The following ABLIM1 variants were observed in gnomAD, a reference collection of about 807,000 sequenced individuals.
ABLIM1 encodes the protein actin binding LIM protein 1.
ABLIM1 carries 40 observed loss-of-function variants against 107.0 expected under a neutral mutation model. That is an observed-to-expected ratio of 0.37 (90% CI 0.29 to 0.49). ABLIM1 has a LOEUF of 0.49. Ranked by LOEUF, ABLIM1 falls within the 20% of genes least tolerant of loss-of-function variation. The probability of loss-of-function intolerance (pLI) is 0.97; values close to 1 mark genes in which losing one functional copy is unlikely to be tolerated. For missense variants in ABLIM1, 857 were observed against 1,008.5 expected (o/e 0.85, Z 2.04); for synonymous variants, 357 against 357.3 (o/e 1.00, Z 0.01).
chr10:114,482,962 C>A (rs1290878171), intron 8 of ABLIM1, among the ~76,000 whole-genome samples: 4 of 151,914 alleles, frequency 2.6e-5, no homozygotes, highest in Non-Finnish European at 5.9e-5. Context: ...GAAAAAAAAA[C>A]TATTGAAAAA....
At chr10:114,684,109 A>G (rs1468470704) in intron 1 of ABLIM1, among the ~76,000 whole-genome samples, 3 of 152,186 alleles carry the variant, frequency 2.0e-5, no homozygotes, top group South Asian at 2.1e-4. Flanking sequence ...GACAAATAAG[A>G]TGTGCATTTT....
At chr10:114,450,663 AAC>A (rs2061732746) in intron 14 of ABLIM1, among the ~76,000 whole-genome samples, 2 of 151,958 alleles carry the variant, frequency 1.3e-5, no homozygotes, top group Non-Finnish European at 2.9e-5. Flanking sequence ...GCTGGTCTTG[AAC>A]TCCTGACCTC....
chr10:114,515,062 G>T (rs2062593056), intron 6 of ABLIM1, among the ~76,000 whole-genome samples: 2 of 152,240 alleles, frequency 1.3e-5, no homozygotes, highest in African/African-American at 2.4e-5. Context: ...TGCAGCAGGG[G>T]ATGGGTGAGA....
intron 4 of ABLIM1, among the ~76,000 whole-genome samples, chr10:114,553,321 C>A (rs2068311033): frequency 6.6e-6 from 1 of 152,202 alleles, no homozygotes; most frequent in African/African-American, 2.4e-5. Flanking sequence ...TAGCCAGGAT[C>A]AAAACTTCCA....
chr10:114,623,804 G>C (rs924657021), intron 1 of ABLIM1, among the ~76,000 whole-genome samples: 1 of 152,180 alleles, frequency 6.6e-6, no homozygotes, highest in Non-Finnish European at 1.5e-5. Flanking sequence ...AATTTCCTTA[G>C]AAGTATTAAA....
chr10:114,653,943 C>A (rs961735152), intron 1 of ABLIM1, among the ~76,000 whole-genome samples: 1 of 152,230 alleles, frequency 6.6e-6, no homozygotes, highest in Admixed American at 6.5e-5. Context: ...CATGGGGACA[C>A]TTGGAAAATC....
At chr10:114,518,274 ACCCAACT>A (rs1053451251) in intron 6 of ABLIM1, among the ~76,000 whole-genome samples, 29 of 152,106 alleles carry the variant, frequency 1.9e-4, no homozygotes, top group African/African-American at 6.8e-4. Flanking sequence ...GACACTATAG[ACCCAACT>A]CTCAACAATA....
intron 1 of ABLIM1, among the ~76,000 whole-genome samples, chr10:114,602,865 C>T (rs1014654135): frequency 3.9e-5 from 6 of 152,160 alleles, no homozygotes; most frequent in African/African-American, 1.4e-4. Flanking sequence ...CTGGGATGTT[C>T]AGCCTGCCCT....
At chr10:114,482,427 C>T (rs1267889156) in intron 8 of ABLIM1, among the ~76,000 whole-genome samples, 7 of 152,162 alleles carry the variant, frequency 4.6e-5, no homozygotes. Flanking sequence ...GCAAGGAAGA[C>T]AGTTTATCTA....
chr10:114,551,422 A>C (rs887488585), intron 4 of ABLIM1, among the ~76,000 whole-genome samples: 8 of 152,280 alleles, frequency 5.3e-5, no homozygotes, highest in South Asian at 4.1e-4. Flanking sequence ...TACACTCTAT[A>C]CAAATGAAGG....
chr10:114,715,173 G>GA (rs1209484703), intron 1 of ABLIM1, among the ~76,000 whole-genome samples: 1 of 152,028 alleles, frequency 6.6e-6, no homozygotes, highest in Admixed American at 6.6e-5. Flanking sequence ...TTGATGCAGG[G>GA]AAAAAAGGCA....
intron 16 of ABLIM1, 80 bp from the exon 17 acceptor site, chr10:114,444,214 T>C: frequency 1.6e-6 from 2 of 1,253,638 alleles, no homozygotes; most frequent in Non-Finnish European, 2.2e-6. Flanking sequence ...AGTTTCTTTG[T>C]AGCAGATCCC....
chr10:114,737,214 C>T (rs2082198409), intron 1 of ABLIM1, among the ~76,000 whole-genome samples: 1 of 152,184 alleles, frequency 6.6e-6, no homozygotes, highest in African/African-American at 2.4e-5. Context: ...ACCCCAGCTA[C>T]TCCAAAGGCT....
At chr10:114,495,760 T>C (rs1384639735) in intron 6 of ABLIM1, among the ~76,000 whole-genome samples, 1 of 152,100 alleles carries the variant, frequency 6.6e-6, no homozygotes, top group Non-Finnish European at 1.5e-5. Flanking sequence ...GCAGGAAGTA[T>C]TATTATCCTT....
At chr10:114,602,073 C>T in intron 1 of ABLIM1, 112 bp from the exon 2 acceptor site, 3 of 1,373,320 alleles carry the variant, frequency 2.2e-6, no homozygotes, top group Admixed American at 1.9e-5. Context: ...ATTGATTCGA[C>T]AGTGTGAACA....
chr10:114,582,903 A>C (rs2073570155), intron 2 of ABLIM1, among the ~76,000 whole-genome samples: 1 of 152,230 alleles, frequency 6.6e-6, no homozygotes, highest in African/African-American at 2.4e-5. Flanking sequence ...TAAAACTACA[A>C]AAATTCTGGA....
rs2076462778 is a variant in ABLIM1, at chr10:114,607,015, G to C, written c.245-5054C>G. Among the ~76,000 whole-genome samples, 3 of 152,114 alleles carry C rather than the reference G, an allele frequency of 2.0e-5. No individual in the cohort carries two copies. In the South Asian group the frequency reaches 6.2e-4, roughly 32 times the overall value. Reference sequence around the variant, plus strand: ...TCCCTTTTCTCACCCCAGCAGCCCAGGCCCTCAACTCCTTTTTCTCAGATT... The same window carrying C: ...TCCCTTTTCTCACCCCAGCAGCCCACGCCCTCAACTCCTTTTTCTCAGATT... On this transcript the variant is annotated intron_variant, in intron 1 of 22. Coordinates refer to ENST00000533213, the MANE Select transcript of ABLIM1 (RefSeq NM_002313.7).
intron 15 of ABLIM1, among the ~76,000 whole-genome samples, chr10:114,445,956 G>C (rs747928249): frequency 2.4e-4 from 36 of 152,244 alleles, no homozygotes; most frequent in Non-Finnish European, 4.7e-4. Flanking sequence ...ATTTTTTATA[G>C]AGACATGGTC....
chr10:114,728,120 A>T (rs1315988665), intron 1 of ABLIM1, among the ~76,000 whole-genome samples: 1 of 152,220 alleles, frequency 6.6e-6, no homozygotes, highest in Admixed American at 6.5e-5. Flanking sequence ...GGAAAAGCAA[A>T]TGACTGTAAT....
Sources: allele counts gnomAD v4.1 joint callset (sites outside exome capture counted in the v4.1 genomes callset), GRCh38; gene constraint gnomAD v4.1.1; transcripts MANE v1.5; gene names NCBI Gene and HGNC (gene_info 2026-07-23, HGNC 2026-07-21).